IDO2: variants seen among roughly 807,000 people sequenced by gnomAD.
IDO2 encodes the protein indoleamine 2,3-dioxygenase 2, also known as indoleamine 2,3-dioxygenase-like 1 protein.
IDO2 carries 46 observed loss-of-function variants against 45.1 expected under a neutral mutation model. That is an observed-to-expected ratio of 1.02 (90% CI 0.80 to 1.30). The LOEUF is 1.30. Among genes scored for constraint, IDO2 ranks in the 50% most tolerant of loss-of-function variants. The probability of loss-of-function intolerance (pLI) is 0.00; values close to 1 mark genes in which losing one functional copy is unlikely to be tolerated. For missense variants in IDO2, 544 were observed against 491.8 expected (o/e 1.11, Z -1.00); for synonymous variants, 218 against 184.9 (o/e 1.18, Z -1.45).
chr8:40,015,936 C>G (rs1802381515), exon 11 of IDO2: 1 of 362,376 alleles, frequency 2.8e-6, no homozygotes, highest in Non-Finnish European at 4.9e-6. Flanking sequence ...GATAAAATTG[C>G]CTGGGGATAC....
chr8:39,969,910 G>T (rs142747110), intron 3 of IDO2, among the ~76,000 whole-genome samples: 1 of 151,492 alleles, frequency 6.6e-6, no homozygotes, highest in African/African-American at 2.4e-5. Context: ...AGCTAGAAAT[G>T]ATTAAGCTTG....
chr8:39,967,130 G>A (rs571708402), intron 3 of IDO2, among the ~76,000 whole-genome samples: 2 of 151,950 alleles, frequency 1.3e-5, no homozygotes, highest in African/African-American at 4.8e-5. Context: ...ATTTCATAAA[G>A]CATAAAGAAA....
intron 3 of IDO2, among the ~76,000 whole-genome samples, chr8:39,973,377 A>G (rs922053755): frequency 7.2e-5 from 11 of 152,160 alleles, no homozygotes; most frequent in African/African-American, 2.7e-4. Flanking sequence ...AGCAATGAGC[A>G]AACCCACTGC....
In IDO2 at chr8:39,960,996, G is replaced by C. The variant is rs1036050715; in HGVS notation, c.100-2612G>C. ...GACGGGGTTTCACCGTGTTAGCCAG[G>C]ATGGTCTTGATCTCCTGACCTCGTG... On this transcript the variant is annotated intron_variant, in intron 2 of 10. Transcript: ENST00000502986. Among the ~76,000 whole-genome samples, 8 of 152,276 alleles carry C rather than the reference G, an allele frequency of 5.3e-5. No homozygotes were observed. The East Asian group carries it at 1.5e-3, about 29-fold the overall frequency.
intron 9 of IDO2, 129 bp from the exon 10 acceptor site, chr8:40,013,436 C>G: frequency 2.3e-6 from 2 of 875,456 alleles, no homozygotes; most frequent in Non-Finnish European, 3.6e-6. Flanking sequence ...AAAGATACCC[C>G]CAATCCCTCA....
intron 1 of IDO2, among the ~76,000 whole-genome samples, chr8:39,948,156 A>G (rs1807766401): frequency 6.6e-6 from 1 of 152,246 alleles, no homozygotes; most frequent in Non-Finnish European, 1.5e-5. Flanking sequence ...CAAGTTTGTT[A>G]GTATTTATTA....
At chr8:40,002,285 A>G (rs1802149709) in intron 8 of IDO2, among the ~76,000 whole-genome samples, 1 of 152,132 alleles carries the variant, frequency 6.6e-6, no homozygotes, top group Admixed American at 6.6e-5. Flanking sequence ...TCTAAAATGA[A>G]TGGGTGTGTT....
chr8:40,013,126 T>C, intron 9 of IDO2, among the ~76,000 whole-genome samples: 1 of 152,134 alleles, frequency 6.6e-6, no homozygotes, highest in East Asian at 1.9e-4. Flanking sequence ...TGGGTGTTTG[T>C]GTATATTTGT....
In IDO2 at chr8:39,980,890, C is replaced by G. The variant is rs1340549173; in HGVS notation, c.315+1704C>G. Among the ~76,000 whole-genome samples the G allele has an allele frequency of 2.0e-5, 3 of 151,892 alleles. No homozygotes were observed. The East Asian group carries it at 5.8e-4, about 29-fold the overall frequency. On this transcript the variant is annotated intron_variant, in intron 4 of 10. Coordinates refer to ENST00000502986, the Ensembl canonical transcript of IDO2. ...TCAGTCTCCTGAGTAGCTGGGATTACAGGCACCTGCCGCCACGGCCAGCTA... is the reference window on the plus strand; with the variant it reads ...TCAGTCTCCTGAGTAGCTGGGATTAGAGGCACCTGCCGCCACGGCCAGCTA...
chr8:39,969,833 CG>C (rs1239339369), intron 3 of IDO2, among the ~76,000 whole-genome samples: 1 of 149,662 alleles, frequency 6.7e-6, no homozygotes, highest in Non-Finnish European at 1.5e-5. Context: ...CTAGATTGTG[CG>C]ATTGCACTCC....
At chr8:39,984,239 C>T (rs1405679512) in intron 5 of IDO2, among the ~76,000 whole-genome samples, 1 of 152,148 alleles carries the variant, frequency 6.6e-6, no homozygotes, top group Admixed American at 6.5e-5. Context: ...CATTGGGAGG[C>T]CCAGGTGGGC....
chr8:39,972,542 A>G (rs1013173488), intron 3 of IDO2, among the ~76,000 whole-genome samples: 2 of 132,846 alleles, frequency 1.5e-5, no homozygotes, highest in African/African-American at 2.8e-5. Flanking sequence ...CCTGGGAGGC[A>G]GAGGTTGCAG....
intron 1 of IDO2, among the ~76,000 whole-genome samples, chr8:39,942,929 G>A (rs946990103): frequency 6.6e-6 from 1 of 152,170 alleles, no homozygotes; most frequent in African/African-American, 2.4e-5. Context: ...AAATAATGGG[G>A]CCATCTTTTC....
At chr8:39,959,007 C>T (rs562832988) in intron 2 of IDO2, among the ~76,000 whole-genome samples, 27 of 152,224 alleles carry the variant, frequency 1.8e-4, no homozygotes, top group African/African-American at 2.9e-4. Context: ...TCTCACTTTA[C>T]GGTGACTAAA....
intron 1 of IDO2, among the ~76,000 whole-genome samples, chr8:39,944,832 T>TA (rs1311621878): frequency 6.6e-6 from 1 of 152,234 alleles, no homozygotes; most frequent in Admixed American, 6.5e-5. Flanking sequence ...TTTTGAGCGA[T>TA]AGCCGTCTCT....
chr8:39,954,486 A>G, intron 2 of IDO2, among the ~76,000 whole-genome samples: 1 of 152,074 alleles, frequency 6.6e-6, no homozygotes, highest in Admixed American at 6.6e-5. Flanking sequence ...AAATCACAGA[A>G]GTTGATTTTC....
intron 4 of IDO2, among the ~76,000 whole-genome samples, chr8:39,980,789 G>A (rs1462669645): frequency 6.6e-6 from 1 of 151,824 alleles, no homozygotes; most frequent in Non-Finnish European, 1.5e-5. Context: ...CACTCTTGTC[G>A]CCCAGGCTAG....
rs974318002 is a variant in IDO2 at position 39,941,037 on chromosome 8, A to G, written c.-18+5819A>G. Among the ~76,000 whole-genome samples the G allele has an allele frequency of 3.3e-5, 5 of 151,694 alleles. No individual in the cohort carries two copies. In the South Asian group the frequency reaches 6.3e-4, roughly 19 times the overall value. On this transcript the variant is annotated intron_variant, in intron 1 of 10. Coordinates refer to ENST00000502986, the Ensembl canonical transcript of IDO2. Reference sequence around the variant, plus strand: ...GGAGTTCCAGACCAGCCTGGCCAACATGGTGAAACCCAATCTCTTCTAAAA... The same window carrying G: ...GGAGTTCCAGACCAGCCTGGCCAACGTGGTGAAACCCAATCTCTTCTAAAA...
rs541226278 is a variant in IDO2, at chr8:39,994,128, A to G, written c.667+4290A>G. On this transcript the variant is annotated intron_variant, in intron 8 of 10. Coordinates refer to ENST00000502986, the Ensembl canonical transcript of IDO2. ...TATACATATTTAGCAAAATAAAAGG[A>G]CAAATGGTATTTATTAAAATATTTA... Among the ~76,000 whole-genome samples the G allele has an allele frequency of 4.6e-5, 7 of 152,352 alleles. No homozygotes were observed. In the East Asian group the frequency reaches 5.8e-4, roughly 13 times the overall value.
Sources: gnomAD v4.1 joint callset for allele counts (sites outside exome capture counted in the v4.1 genomes callset) on GRCh38, gnomAD v4.1.1 for gene constraint, MANE v1.5 for transcripts, NCBI Gene and HGNC (gene_info 2026-07-23, HGNC 2026-07-21) for gene names.